GLDC: variants seen among roughly 807,000 people sequenced by gnomAD.
GLDC encodes glycine dehydrogenase (decarboxylating), mitochondrial.
Under a neutral mutation model 121.3 loss-of-function variants are expected in GLDC, and 104 were observed. The observed-to-expected ratio is 0.86, with a 90% confidence interval of 0.73 to 1.01. GLDC has a LOEUF of 1.01. GLDC is among the 50% of genes least tolerant of loss of function. GLDC has a pLI of 0.00. For synonymous variants in GLDC, 546 were observed against 480.6 expected (o/e 1.14, Z -1.78); for missense variants, 1,429 against 1,306.6 (o/e 1.09, Z -1.44).
At chr9:6,577,567 T>C (rs1244710518) in intron 15 of GLDC, among the ~76,000 whole-genome samples, 1 of 152,208 alleles carries the variant, frequency 6.6e-6, no homozygotes, top group Non-Finnish European at 1.5e-5. Flanking sequence ...AAATAACATA[T>C]GATCAAGGCT....
chr9:6,587,686 A>T (rs10975665), intron 14 of GLDC, among the ~76,000 whole-genome samples: 31,365 of 152,136 alleles, frequency 0.21, 3,750 homozygotes, highest in Middle Eastern at 0.28. Context: ...TGGGAAGGCC[A>T]GGTACAGTGG....
In GLDC at chr9:6,644,367, C is replaced by G. The variant is rs34073615; in HGVS notation, c.334+247G>C. On this transcript the variant is annotated intron_variant, in intron 2 of 24. Coordinates refer to ENST00000321612, the MANE Select transcript of GLDC (RefSeq NM_000170.3). ...TCTGCTACAAAACGCAGGGGAAGCT[C>G]GCGGGGGCCCTAGGATAAAGACCAA... 0.022 allele frequency among the ~76,000 whole-genome samples: 3,389 copies of G among 152,068 alleles called. 61 individuals are homozygous for G. The highest frequency in any genetic ancestry group is 0.035 in the Non-Finnish European group (2,362 of 67,984).
At chr9:6,635,381 A>G (rs1173172612) in intron 2 of GLDC, among the ~76,000 whole-genome samples, 2 of 152,226 alleles carry the variant, frequency 1.3e-5, no homozygotes. Flanking sequence ...ACCAAAAGCT[A>G]AGCAGTCTAG....
At chr9:6,554,293 G>A (rs1233512201) in intron 19 of GLDC, among the ~76,000 whole-genome samples, 1 of 151,652 alleles carries the variant, frequency 6.6e-6, no homozygotes, top group African/African-American at 2.4e-5. Context: ...ACCATTAGCT[G>A]ATTTTAAAAA....
At chr9:6,570,506 T>C (rs1817938460) in intron 15 of GLDC, among the ~76,000 whole-genome samples, 1 of 152,230 alleles carries the variant, frequency 6.6e-6, no homozygotes, top group Non-Finnish European at 1.5e-5. Context: ...GAAGTTCCCA[T>C]TGAAGTTATT....
intron 8 of GLDC, among the ~76,000 whole-genome samples, chr9:6,600,007 C>G (rs1015787418): frequency 6.6e-6 from 1 of 152,110 alleles, no homozygotes; most frequent in Admixed American, 6.5e-5. Flanking sequence ...AGCCCTGAGA[C>G]GAAAGAGCAC....
At position 6,629,283 on chromosome 9, in the gene GLDC, C is replaced by T. The variant is rs1409890510; in HGVS notation, c.335-8964G>A. On this transcript the variant is annotated intron_variant, in intron 2 of 24. Transcript: ENST00000321612. ...AGGTTGGAGTGCAATGGTGCGATCT[C>T]GGCTCACTGCAACCTCCGCCTCCTG... is the stretch of plus-strand genomic sequence containing the variant. 2.0e-5 allele frequency among the ~76,000 whole-genome samples: 3 copies of T among 150,198 alleles called. 1 individual carries two copies. Among genetic ancestry groups the T allele is most frequent in the Admixed American group, 1.3e-4 (2 of 15,016 alleles).
intron 2 of GLDC, among the ~76,000 whole-genome samples, chr9:6,643,285 A>G (rs897865907): frequency 6.6e-6 from 1 of 151,878 alleles, no homozygotes; most frequent in Non-Finnish European, 1.5e-5. Flanking sequence ...CAAAACATGC[A>G]GGTTTTCAAC....
At chr9:6,603,736 CT>C (rs1215996748) in intron 7 of GLDC, among the ~76,000 whole-genome samples, 75 of 124,944 alleles carry the variant, frequency 6.0e-4, no homozygotes, top group South Asian at 2.8e-3. Flanking sequence ...CCTTTTTTTT[CT>C]TTTTTTTTTT....
At chr9:6,566,844 G>C (rs1321879977) in intron 15 of GLDC, among the ~76,000 whole-genome samples, 1 of 152,040 alleles carries the variant, frequency 6.6e-6, no homozygotes, top group African/African-American at 2.4e-5. Flanking sequence ...ACAGAAAATC[G>C]GTAAGAATTT....
chr9:6,606,728 A>G (rs1473700510), intron 4 of GLDC, 59 bp from the exon 5 acceptor site: 1 of 967,510 alleles, frequency 1.0e-6, no homozygotes, highest in Non-Finnish European at 1.7e-6. Context: ...ACTATCTTCT[A>G]AGAACGCAAA....
chr9:6,626,343 C>G (rs1563868372), intron 2 of GLDC, among the ~76,000 whole-genome samples: 2 of 151,986 alleles, frequency 1.3e-5, no homozygotes, highest in Non-Finnish European at 2.9e-5. Context: ...GGAGACCAGT[C>G]AAGAAGCGCA....
intron 7 of GLDC, among the ~76,000 whole-genome samples, chr9:6,603,314 G>T (rs1373019254): frequency 6.6e-6 from 1 of 151,652 alleles, no homozygotes. Context: ...GTGTTAATAA[G>T]ATGATTTAAA....
Position 6,623,053 on chromosome 9 carries a change from C to T in GLDC, c.335-2734G>A, listed in dbSNP as rs1318641825. On this transcript the variant is annotated intron_variant, in intron 2 of 24. Coordinates refer to ENST00000321612, the MANE Select transcript of GLDC (RefSeq NM_000170.3). ...CTGGGAGGTGAGGGGCGCCTCTGCC[C>T]CGCCGCCCCTACGGGGAAGTGAGGA... The T allele has an allele frequency of 5.5e-5, 10 of 182,366 alleles. No individual in the cohort carries two copies. In the South Asian group the frequency reaches 7.4e-4, roughly 13 times the overall value. The allele number at this position is 182,366 out of a possible 1,614,324, so 11.3% of individuals were successfully genotyped here. A position where few individuals can be genotyped will look rare whatever the true frequency, so the allele number is the denominator to read the frequency against.
At chr9:6,561,648 T>C (rs1328119215) in intron 16 of GLDC, among the ~76,000 whole-genome samples, 1 of 112,572 alleles carries the variant, frequency 8.9e-6, no homozygotes, top group Non-Finnish European at 1.7e-5. Context: ...GAGTCTCTCT[T>C]GGGGGAAAAA....
intron 8 of GLDC, among the ~76,000 whole-genome samples, chr9:6,598,192 T>A (rs1316732751): frequency 1.3e-5 from 2 of 151,668 alleles, no homozygotes; most frequent in Non-Finnish European, 2.9e-5. Context: ...AACACCTGGC[T>A]AATTTTTGTA....
At chr9:6,570,638 G>A (rs1374989764) in intron 15 of GLDC, among the ~76,000 whole-genome samples, 2 of 152,130 alleles carry the variant, frequency 1.3e-5, no homozygotes, top group African/African-American at 4.8e-5. Context: ...CAGATCACCT[G>A]AGGTCAGGAG....
At chr9:6,592,396 A>AGG (rs1818392624) in intron 10 of GLDC, among the ~76,000 whole-genome samples, 173 bp from the exon 11 acceptor site, 1 of 152,216 alleles carries the variant, frequency 6.6e-6, no homozygotes, top group Non-Finnish European at 1.5e-5. Context: ...GACCAGTCCC[A>AGG]GGTTTCACAA....
chr9:6,635,027 C>A (rs560206033), intron 2 of GLDC, among the ~76,000 whole-genome samples: 2 of 152,346 alleles, frequency 1.3e-5, no homozygotes, highest in East Asian at 3.9e-4. Context: ...AACATTCTAA[C>A]CACATGGTCT....
Sources: allele counts gnomAD v4.1 joint callset (sites outside exome capture counted in the v4.1 genomes callset), GRCh38; gene constraint gnomAD v4.1.1; transcripts MANE v1.5; gene names NCBI Gene and HGNC (gene_info 2026-07-23, HGNC 2026-07-21).